Variants in KSR2 observed in about 807,000 individuals in gnomAD.
KSR2 encodes the protein kinase suppressor of ras 2.
KSR2 carries 25 observed loss-of-function variants against 107.8 expected under a neutral mutation model. The ratio of observed to expected loss-of-function variants is 0.23; its 90% confidence interval spans 0.17 to 0.32. KSR2 has a LOEUF of 0.32. Ranked by LOEUF, KSR2 falls within the 10% of genes least tolerant of loss-of-function variation. KSR2 has a pLI of 1.00. For missense variants in KSR2, 887 were observed against 1,268.9 expected, an observed-to-expected ratio of 0.70 and a Z score of 4.57; for synonymous variants, 480 against 507.0, an observed-to-expected ratio of 0.95 and a Z score of 0.71.
chr12:117,813,942 C>A (rs147778023), intron 3 of KSR2, among the ~76,000 whole-genome samples: 1 of 152,120 alleles, frequency 6.6e-6, no homozygotes, highest in Non-Finnish European at 1.5e-5. Flanking sequence ...TACTATTTAG[C>A]CACAAAAACA....
intron 4 of KSR2, among the ~76,000 whole-genome samples, chr12:117,694,981 G>C (rs1338821743): frequency 1.3e-5 from 2 of 151,038 alleles, no homozygotes; most frequent in African/African-American, 4.9e-5. Context: ...CTCCCGAGTA[G>C]CTGGGACGAC....
In KSR2 at chr12:117,854,721, G is replaced by A. The variant is rs1165593236; in HGVS notation, c.472+707C>T. Among the ~76,000 whole-genome samples, 4 of 152,180 alleles carry A rather than the reference G, an allele frequency of 2.6e-5. No homozygotes were observed. In the East Asian group the frequency reaches 7.7e-4, roughly 29 times the overall value. ...TTTGCAGAAAAATCATGAGGCTAAA[G>A]AGAAGCAGGAAGCCTCAGGAAGATG... On this transcript the variant is annotated intron_variant, in intron 3 of 19. Transcript: ENST00000339824.
chr12:117,635,693 C>G (rs1883034203), intron 5 of KSR2, among the ~76,000 whole-genome samples: 1 of 151,988 alleles, frequency 6.6e-6, no homozygotes. Flanking sequence ...AGAGATAGTA[C>G]AAAAGAGTTC....
intron 3 of KSR2, among the ~76,000 whole-genome samples, chr12:117,812,429 G>C (rs939627808): frequency 6.6e-6 from 1 of 152,102 alleles, no homozygotes. Flanking sequence ...TTTGTGGCTT[G>C]CTTTATATTT....
chr12:117,632,785 C>T (rs186000722), intron 5 of KSR2, among the ~76,000 whole-genome samples: 67 of 152,218 alleles, frequency 4.4e-4, no homozygotes, highest in African/African-American at 1.4e-3. Flanking sequence ...TGAAAACATG[C>T]GGTATTTGGT....
intron 14 of KSR2, among the ~76,000 whole-genome samples, chr12:117,512,052 C>T (rs1046144370): frequency 5.9e-5 from 9 of 152,360 alleles, no homozygotes; most frequent in Non-Finnish European, 8.8e-5. Flanking sequence ...TAGCCCTACA[C>T]TGGAAATGTA....
intron 4 of KSR2, among the ~76,000 whole-genome samples, chr12:117,715,018 A>AG (rs1212455282): frequency 5.3e-5 from 8 of 152,236 alleles, no homozygotes; most frequent in African/African-American, 1.9e-4. Flanking sequence ...TCAGAGCCCC[A>AG]GAAAAAAAAC....
chr12:117,687,105 T>C (rs989930252), intron 4 of KSR2, among the ~76,000 whole-genome samples: 2 of 152,204 alleles, frequency 1.3e-5, no homozygotes, highest in African/African-American at 4.8e-5. Context: ...GATTCTGTGA[T>C]GCTGCTCCCT....
chr12:117,591,213 C>G (rs1880293535), intron 5 of KSR2, among the ~76,000 whole-genome samples: 1 of 152,178 alleles, frequency 6.6e-6, no homozygotes, highest in South Asian at 2.1e-4. Context: ...CTTCTGAAAT[C>G]TGGGTCAACT....
At chr12:117,521,232 T>G (rs1050382897) in intron 14 of KSR2, among the ~76,000 whole-genome samples, 3 of 152,224 alleles carry the variant, frequency 2.0e-5, no homozygotes, top group African/African-American at 7.2e-5. Context: ...GTACGCCATC[T>G]TTGAGAAGCA....
chr12:117,748,269 G>C (rs73215920), intron 4 of KSR2, among the ~76,000 whole-genome samples: 11,945 of 152,246 alleles, frequency 0.078, 574 homozygotes, highest in Middle Eastern at 0.15. Flanking sequence ...GAATAGAATG[G>C]TGGTTACCAG....
At chr12:117,744,682 C>T (rs2136798002) in intron 4 of KSR2, among the ~76,000 whole-genome samples, 1 of 152,312 alleles carries the variant, frequency 6.6e-6, no homozygotes, top group East Asian at 1.9e-4. Flanking sequence ...TGCAATAAAT[C>T]TGTAAGTTTT....
At position 117,860,431 on chromosome 12, in the gene KSR2, T is replaced by A; in HGVS notation, c.181A>T (p.Ser61Cys). The A allele has an allele frequency of 6.2e-7, 1 of 1,606,990 alleles. No homozygotes were observed. Among genetic ancestry groups the A allele is most frequent in the African/African-American group, 1.3e-5 (1 of 74,976 alleles). The change falls in exon 2 of 20, where the codon AGC becomes TGC. Residue 61 changes from serine (S) to cysteine (C), a missense_variant and splice_region_variant. Transcript: ENST00000339824. ...CGGCTGAAGTACTTCACCAGCTTGC[T>A]CTGTGGAGACACAGACGAGGACAGA... Reference protein sequence around the residue: ...LTQKEIRTLESKLVKYFSRQL... With the variant: ...LTQKEIRTLECKLVKYFSRQL...
chr12:117,798,177 A>G (rs923309853), intron 3 of KSR2, among the ~76,000 whole-genome samples: 2 of 152,212 alleles, frequency 1.3e-5, no homozygotes, highest in Non-Finnish European at 2.9e-5. Flanking sequence ...AAGCAAAGGC[A>G]CCAGGGGTGG....
intron 4 of KSR2, among the ~76,000 whole-genome samples, chr12:117,694,549 T>C (rs1885968885): frequency 6.6e-6 from 1 of 152,126 alleles, no homozygotes; most frequent in Non-Finnish European, 1.5e-5. Flanking sequence ...GATCCAGCCA[T>C]CCCACTTCTG....
At chr12:117,767,162 C>T (rs1889263234) in intron 3 of KSR2, among the ~76,000 whole-genome samples, 1 of 151,554 alleles carries the variant, frequency 6.6e-6, no homozygotes, top group Admixed American at 6.6e-5. Flanking sequence ...GCCTGTAATC[C>T]CAGTACTTTG....
intron 5 of KSR2, among the ~76,000 whole-genome samples, chr12:117,647,409 A>G (rs967211419): frequency 3.9e-5 from 6 of 152,222 alleles, no homozygotes; most frequent in South Asian, 2.1e-4. Flanking sequence ...CCACAGACTG[A>G]TGGGGCCAAG....
At chr12:117,563,748 G>A (rs1878276163) in intron 7 of KSR2, among the ~76,000 whole-genome samples, 2 of 152,076 alleles carry the variant, frequency 1.3e-5, no homozygotes, top group African/African-American at 4.8e-5. Context: ...ACCAACTATA[G>A]GTGGGCGTTG....
At chr12:117,722,519 T>G (rs1431951888) in intron 4 of KSR2, among the ~76,000 whole-genome samples, 1 of 152,096 alleles carries the variant, frequency 6.6e-6, no homozygotes, top group Admixed American at 6.5e-5. Flanking sequence ...GCCACAAGAG[T>G]GACCTCTAGT....
Sources: gnomAD v4.1 joint callset for allele counts (sites outside exome capture counted in the v4.1 genomes callset) on GRCh38, gnomAD v4.1.1 for gene constraint, MANE v1.5 for transcripts, NCBI Gene and HGNC (gene_info 2026-07-23, HGNC 2026-07-21) for gene names.